Variants in CCDC81 observed in about 807,000 individuals in gnomAD.
CCDC81 encodes coiled-coil domain-containing protein 81.
In CCDC81, 79 loss-of-function variants were observed where a neutral mutation model predicts 83.7. The observed-to-expected ratio is 0.94, with a 90% CI of 0.79 to 1.14. The LOEUF is 1.14. Ranked by LOEUF, CCDC81 falls within the 50% of genes most tolerant of loss-of-function variation. CCDC81 has a pLI of 0.00. For missense variants in CCDC81, 791 were observed against 778.1 expected (o/e 1.02, Z -0.20); for synonymous variants, 252 against 278.1 (o/e 0.91, Z 0.93).
chr11:86,391,748 C>T (rs1395729461), intron 3 of CCDC81, among the ~76,000 whole-genome samples: 1 of 152,136 alleles, frequency 6.6e-6, no homozygotes, highest in Non-Finnish European at 1.5e-5. Flanking sequence ...AGGAGATAGG[C>T]AAATGTATCA....
chr11:86,378,802 G>GTAT (rs977969765), intron 1 of CCDC81, among the ~76,000 whole-genome samples: 2 of 152,022 alleles, frequency 1.3e-5, no homozygotes, highest in African/African-American at 4.8e-5. Context: ...CTTTTGATAA[G>GTAT]TATTATCATG....
At chr11:86,405,623 A>C (rs1948555232) in intron 7 of CCDC81, among the ~76,000 whole-genome samples, 1 of 152,124 alleles carries the variant, frequency 6.6e-6, no homozygotes, top group Non-Finnish European at 1.5e-5. Flanking sequence ...ATTTCCTTCA[A>C]ACTGTATCCC....
intron 6 of CCDC81, among the ~76,000 whole-genome samples, chr11:86,398,041 G>A (rs1302787002): frequency 6.6e-6 from 1 of 151,988 alleles, no homozygotes; most frequent in Non-Finnish European, 1.5e-5. Context: ...GTATAGATGG[G>A]CCAGGCTGGT....
chr11:86,401,237 T>C (rs2138521525), intron 7 of CCDC81, among the ~76,000 whole-genome samples: 1 of 152,300 alleles, frequency 6.6e-6, no homozygotes, highest in South Asian at 2.1e-4. Context: ...CTTGAATGAA[T>C]GAGTGTATTA....
At chr11:86,395,196 T>C (rs1565762016) in intron 4 of CCDC81, 138 bp from the exon 5 acceptor site, 1 of 600,430 alleles carries the variant, frequency 1.7e-6, no homozygotes, top group Non-Finnish European at 2.9e-6. Context: ...ATTTTTAAGC[T>C]CTGGACTTAT....
At chr11:86,401,126 T>A (rs749182346) in intron 7 of CCDC81, among the ~76,000 whole-genome samples, 1 of 152,162 alleles carries the variant, frequency 6.6e-6, no homozygotes, top group Non-Finnish European at 1.5e-5. Flanking sequence ...GTTTTCCGAG[T>A]GCTTGGATAT....
Position 86,386,070 on chromosome 11 carries a change from G to A in CCDC81, c.99G>A (p.Gly33=). 2 of 1,522,682 alleles carry A rather than the reference G, an allele frequency of 1.3e-6. No homozygotes were observed. Among genetic ancestry groups the A allele is most frequent in the Non-Finnish European group, 1.8e-6 (2 of 1,122,504 alleles). 94.3% of individuals were successfully genotyped at this position (1,522,682 alleles called of 1,614,324 possible). A position where few individuals can be genotyped will look rare whatever the true frequency, so the allele number is the denominator to read the frequency against. ...TTTCAGAAGTCTCTATTATCTGGGG[G>A]AATGTATCAGAATTTGTGAGACGGC... ...LSQEEVSIIW[G]NVSEFVRRQL... The change falls in exon 2 of 15, where the codon GGG becomes GGA. Residue 33 remains glycine (G), a synonymous_variant. Transcript: ENST00000445632.
At chr11:86,390,906 A>G (rs1948320086) in intron 3 of CCDC81, among the ~76,000 whole-genome samples, 2 of 152,234 alleles carry the variant, frequency 1.3e-5, no homozygotes, top group South Asian at 4.1e-4. Flanking sequence ...TTAGGAGAAG[A>G]GTGGAGACTA....
chr11:86,388,341 T>C (rs1425179984), intron 3 of CCDC81, among the ~76,000 whole-genome samples: 1 of 152,136 alleles, frequency 6.6e-6, no homozygotes, highest in Admixed American at 6.6e-5. Flanking sequence ...ACTGCTTCCA[T>C]CCAGCTTTAG....
rs377628889 is a variant in CCDC81, at chr11:86,395,427, T to C, written c.635+14T>C. 1.4e-5 allele frequency: 22 copies of C among 1,610,072 alleles called. No individual in the cohort carries two copies. Among genetic ancestry groups the C allele is most frequent in the African/African-American group, 8.0e-5 (6 of 74,830 alleles). ...TGCGTTTCCAAGGTGAGTGCTTTGC[T>C]TCACGGGTTCCTCTAGGCACTAGCA... On this transcript the variant is annotated intron_variant, in intron 5 of 14. Transcript: ENST00000445632.
chr11:86,393,790 G>A (rs1266110304), intron 4 of CCDC81, among the ~76,000 whole-genome samples: 1 of 152,148 alleles, frequency 6.6e-6, no homozygotes, highest in Non-Finnish European at 1.5e-5. Flanking sequence ...CAGACTTACT[G>A]AATACTTAGT....
chr11:86,408,320 TATATA>T, intron 9 of CCDC81, 50 bp downstream of exon 9: 4 of 1,468,274 alleles, frequency 2.7e-6, no homozygotes, highest in Non-Finnish European at 3.7e-6. Flanking sequence ...AGAACATGAT[TATATA>T]ATGTAATTTA....
intron 1 of CCDC81, among the ~76,000 whole-genome samples, chr11:86,383,665 T>C (rs1050304510): frequency 6.6e-6 from 1 of 152,206 alleles, no homozygotes; most frequent in African/African-American, 2.4e-5. Context: ...AAGTAGTATA[T>C]CCTTCAATTT....
At chr11:86,417,968 G>A (rs1301429037) in intron 13 of CCDC81, among the ~76,000 whole-genome samples, 4 of 151,996 alleles carry the variant, frequency 2.6e-5, no homozygotes, top group African/African-American at 9.7e-5. Context: ...TTCTAAGAAG[G>A]CATAGCAACT....
chr11:86,382,933 A>G (rs1948193835), intron 1 of CCDC81, among the ~76,000 whole-genome samples: 1 of 152,142 alleles, frequency 6.6e-6, no homozygotes, highest in Non-Finnish European at 1.5e-5. Flanking sequence ...TGACAAAGAG[A>G]CCATTGGTGA....
chr11:86,408,309 T>C lies in CCDC81; in HGVS notation c.1113+39T>C, dbSNP rs201121275. 95 of 1,547,146 alleles carry C rather than the reference T, an allele frequency of 6.1e-5. No individual in the cohort carries two copies. The Admixed American group carries it at 1.1e-3, about 17-fold the overall frequency. On this transcript the variant is annotated intron_variant, in intron 9 of 14. Coordinates refer to ENST00000445632, the MANE Select transcript of CCDC81 (RefSeq NM_001156474.2). ...TCGATTAGTCTTTAATATGGGGCAA[T>C]AGAACATGATTATATAATGTAATTT...
In CCDC81 at chr11:86,422,950, G is replaced by T; in HGVS notation, c.*235G>T. On this transcript the variant is annotated 3_prime_UTR_variant, in exon 15 of 15. Transcript: ENST00000445632. ...TGAAGGTGTCTGAATGGTCCTGAGGGCTAGAACCTGCTGCACAGGGGCTGG... is the reference window on the plus strand; with the variant it reads ...TGAAGGTGTCTGAATGGTCCTGAGGTCTAGAACCTGCTGCACAGGGGCTGG... 1 of 452,970 alleles carries T rather than the reference G, an allele frequency of 2.2e-6. No individual in the cohort carries two copies. The highest frequency in any genetic ancestry group is 3.9e-5 in the East Asian group (1 of 25,544). The allele number at this position is 452,970 out of a possible 1,614,324, so 28.1% of individuals were successfully genotyped here. A position where few individuals can be genotyped will look rare whatever the true frequency, so the allele number is the denominator to read the frequency against.
intron 13 of CCDC81, 36 bp downstream of exon 13, chr11:86,415,349 C>T: frequency 6.5e-7 from 1 of 1,532,158 alleles, no homozygotes; most frequent in South Asian, 1.1e-5. Flanking sequence ...CTCCACTTCT[C>T]CTCACTTATT....
chr11:86,376,355 T>C (rs1035077634), intron 1 of CCDC81, among the ~76,000 whole-genome samples: 1 of 152,180 alleles, frequency 6.6e-6, no homozygotes, highest in African/African-American at 2.4e-5. Flanking sequence ...GAAGATACTA[T>C]CCCAGACTGG....
Sources: allele counts gnomAD v4.1 joint callset (sites outside exome capture counted in the v4.1 genomes callset), GRCh38; gene constraint gnomAD v4.1.1; transcripts MANE v1.5; gene names NCBI Gene and HGNC (gene_info 2026-07-23, HGNC 2026-07-21).